Variants in GALNT12 observed in about 807,000 individuals in gnomAD.
The protein encoded by GALNT12 is UDP-GalNAc:polypeptide N-acetylgalactosaminyltransferase 12.
A neutral mutation model predicts 55.5 loss-of-function variants in GALNT12; 45 were observed. That is an observed-to-expected ratio of 0.81 (90% CI 0.64 to 1.04). The LOEUF (loss-of-function observed/expected upper bound fraction) is 1.04, where lower values mean the gene tolerates loss of function less well. Ranked by LOEUF, GALNT12 falls within the 50% of genes least tolerant of loss-of-function variation. GALNT12 has a pLI of 0.00. For synonymous variants in GALNT12, 304 were observed against 312.2 expected (o/e 0.97, Z 0.28); for missense variants, 709 against 754.8 (o/e 0.94, Z 0.71).
Position 98,839,275 on chromosome 9 carries a change from CT to C in GALNT12, c.1213-725del, listed in dbSNP as rs555021557. On this transcript the variant is annotated intron_variant, in intron 6 of 9. Coordinates refer to ENST00000375011, the MANE Select transcript of GALNT12 (RefSeq NM_024642.5). ...CTGGGAAATAGCAGAAATCTGAAAT[CT>C]TATTCAAACATGTACTTATTATTAC... Among the ~76,000 whole-genome samples, 332 of 152,344 alleles carry C rather than the reference CT, an allele frequency of 2.2e-3. 2 individuals carry two copies. Among genetic ancestry groups the C allele is most frequent in the Middle Eastern group, 6.8e-3 (2 of 294 alleles).
intron 3 of GALNT12, among the ~76,000 whole-genome samples, chr9:98,831,230 A>C (rs1442104918): frequency 6.6e-6 from 1 of 152,354 alleles, no homozygotes; most frequent in Non-Finnish European, 1.5e-5. Context: ...TATCTTAAAA[A>C]CATTTTCCCA....
chr9:98,809,278 G>C (rs542370663), intron 1 of GALNT12, among the ~76,000 whole-genome samples: 1 of 152,342 alleles, frequency 6.6e-6, no homozygotes, highest in Admixed American at 6.5e-5. Flanking sequence ...CTCATGCCTA[G>C]CCTCATGCTT....
intron 1 of GALNT12, among the ~76,000 whole-genome samples, chr9:98,818,558 T>C (rs1343300201): frequency 6.6e-6 from 1 of 151,878 alleles, no homozygotes; most frequent in African/African-American, 2.4e-5. Context: ...GATTTTTCCT[T>C]CCTAATCTAG....
rs190867301 is a variant in GALNT12, at chr9:98,845,914, G to A, written c.1459-63G>A. On this transcript the variant is annotated intron_variant, in intron 8 of 9. Coordinates refer to ENST00000375011, the MANE Select transcript of GALNT12 (RefSeq NM_024642.5). ...TCGTGATCCCAGGTTCTTGTCCAGCGATCTTTCCTCTTCCCACATCAGTGG... is the reference window on the plus strand; with the variant it reads ...TCGTGATCCCAGGTTCTTGTCCAGCAATCTTTCCTCTTCCCACATCAGTGG... 21 of 1,578,100 alleles carry A rather than the reference G, an allele frequency of 1.3e-5. No homozygotes were observed. In the East Asian group the frequency reaches 2.3e-4, roughly 17 times the overall value.
Position 98,835,437 on chromosome 9 carries a change from G to A in GALNT12, c.1035+71G>A, listed in dbSNP as rs1296173829. ...CTCTTTGGGAACGATGGGATTTGCT[G>A]TAAGAGCCTGGTGGACCCTGAAAGA... On this transcript the variant is annotated intron_variant, in intron 5 of 9. Coordinates refer to ENST00000375011, the MANE Select transcript of GALNT12 (RefSeq NM_024642.5). 1.2e-5 allele frequency: 12 copies of A among 962,748 alleles called. No homozygotes were observed. The Admixed American group carries it at 1.9e-4, about 15-fold the overall frequency. The allele number at this position is 962,748 out of a possible 1,614,324, so 59.6% of individuals were successfully genotyped here. A position where few individuals can be genotyped will look rare whatever the true frequency, so the allele number is the denominator to read the frequency against.
Position 98,835,319 on chromosome 9 carries a change from AC to A in GALNT12, c.989del (p.Thr330LysfsTer81). The A allele has an allele frequency of 6.2e-7, 1 of 1,613,948 alleles. No individual in the cohort carries two copies. Among genetic ancestry groups the A allele is most frequent in the Non-Finnish European group, 8.5e-7 (1 of 1,179,806 alleles). Reference sequence around the variant, plus strand: ...TTTTGAATATCTGGGGTCTTATGATACAGGAATGGAAGTTTGGGGAGGAGAA... The same window carrying A: ...TTTTGAATATCTGGGGTCTTATGATAAGGAATGGAAGTTTGGGGAGGAGAA... Reference protein sequence around the residue: ...KYFEYLGSYDTGMEVWGGENL... With the variant: ...KYFEYLGSYDXGMEVWGGENL... On this transcript the variant is annotated frameshift_variant, in exon 5 of 10. Coordinates refer to ENST00000375011, the MANE Select transcript of GALNT12 (RefSeq NM_024642.5). LOFTEE classifies it high-confidence loss of function.
chr9:98,814,491 T>C (rs535357400), intron 1 of GALNT12, among the ~76,000 whole-genome samples: 2 of 152,136 alleles, frequency 1.3e-5, no homozygotes, highest in African/African-American at 4.8e-5. Flanking sequence ...GGCGGATCAC[T>C]TGAGGTCAGG....
intron 1 of GALNT12, among the ~76,000 whole-genome samples, chr9:98,808,488 C>T (rs1019421024): frequency 1.3e-5 from 2 of 152,192 alleles, no homozygotes; most frequent in Non-Finnish European, 2.9e-5. Flanking sequence ...TCTGTGTGTG[C>T]CAGGGCCTAA....
At chr9:98,813,646 C>T (rs1235538111) in intron 1 of GALNT12, among the ~76,000 whole-genome samples, 4 of 151,960 alleles carry the variant, frequency 2.6e-5, no homozygotes, top group African/African-American at 7.3e-5. Flanking sequence ...ATTATAGGCG[C>T]CTGCCACCAT....
At chr9:98,843,475 C>T (rs753701955) in intron 7 of GALNT12, among the ~76,000 whole-genome samples, 4 of 151,622 alleles carry the variant, frequency 2.6e-5, no homozygotes, top group Non-Finnish European at 5.9e-5. Context: ...GGCATGATCT[C>T]AGCTCACTGC....
At chr9:98,821,992 T>A (rs1835752974) in intron 1 of GALNT12, among the ~76,000 whole-genome samples, 2 of 152,226 alleles carry the variant, frequency 1.3e-5, no homozygotes, top group Admixed American at 1.3e-4. Context: ...CGGTAGGTGC[T>A]CGGGAAGTTT....
rs746110126 is a variant in GALNT12 at position 98,831,882 on chromosome 9, G to A, written c.842G>A (p.Trp281Ter). The A allele has an allele frequency of 1.2e-6, 2 of 1,614,160 alleles. No individual in the cohort carries two copies. The highest frequency in any genetic ancestry group is 2.2e-5 in the East Asian group (1 of 44,864). Residue 281 changes from tryptophan to a stop codon, truncating the protein, a stop_gained, in exon 4 of 10, where the codon TGG becomes TAG. Transcript: ENST00000375011. LOFTEE classifies it high-confidence loss of function. ...SGEPQIGGFD[W>*]RLVFTWHTVP... ...GAGCCCCAGATCGGCGGTTTCGACT[G>A]GAGGCTGGTGTTCACGTGGCACACA...
intron 1 of GALNT12, among the ~76,000 whole-genome samples, chr9:98,816,915 T>C (rs1835625755): frequency 6.6e-6 from 1 of 150,486 alleles, no homozygotes; most frequent in South Asian, 2.1e-4. Context: ...AGCTCTGCCT[T>C]CCGGGTTCAT....
chr9:98,838,961 C>A (rs1477509228), intron 6 of GALNT12, among the ~76,000 whole-genome samples: 1 of 152,186 alleles, frequency 6.6e-6, no homozygotes, highest in Non-Finnish European at 1.5e-5. Context: ...TTGCTCTGCT[C>A]TGCAGAGCCC....
chr9:98,831,747 G>A (rs370725639), intron 3 of GALNT12, 25 bp from the exon 4 acceptor site: 37 of 1,613,862 alleles, frequency 2.3e-5, no homozygotes, highest in Middle Eastern at 1.6e-4. Context: ...TAGGAGAGAC[G>A]GATGGATGTC....
intron 9 of GALNT12, among the ~76,000 whole-genome samples, 195 bp downstream of exon 9, chr9:98,846,318 C>G (rs1054734444): frequency 6.6e-6 from 1 of 152,154 alleles, no homozygotes; most frequent in Non-Finnish European, 1.5e-5. Flanking sequence ...TTGGAGTCCC[C>G]TGGCACACGG....
chr9:98,837,270 C>T (rs147076127), intron 6 of GALNT12, 122 bp downstream of exon 6: 456 of 913,328 alleles, frequency 5.0e-4, no homozygotes, highest in Middle Eastern at 4.3e-3. Flanking sequence ...TGCTCAGATA[C>T]GAGTAAGGGG....
At chr9:98,838,913 A>G (rs1836219516) in intron 6 of GALNT12, among the ~76,000 whole-genome samples, 1 of 152,220 alleles carries the variant, frequency 6.6e-6, no homozygotes, top group Non-Finnish European at 1.5e-5. Flanking sequence ...GATAGGAGGT[A>G]GAACTGGGCT....
chr9:98,836,529 C>T (rs1389583710), intron 5 of GALNT12, among the ~76,000 whole-genome samples: 1 of 152,130 alleles, frequency 6.6e-6, no homozygotes, highest in Non-Finnish European at 1.5e-5. Context: ...GGTCTCTCTG[C>T]CTCTTCCTTA....
Sources: allele counts gnomAD v4.1 joint callset (sites outside exome capture counted in the v4.1 genomes callset), GRCh38; gene constraint gnomAD v4.1.1; transcripts MANE v1.5; gene names NCBI Gene and HGNC (gene_info 2026-07-23, HGNC 2026-07-21).